RANBP2: variants seen among roughly 807,000 people sequenced by gnomAD.
The protein encoded by RANBP2 is E3 SUMO-protein ligase RanBP2.
Under a neutral mutation model 303.6 loss-of-function variants are expected in RANBP2, and 57 were observed. That is an observed-to-expected ratio of 0.19 (90% CI 0.15 to 0.23). The LOEUF is 0.23. Ranked by LOEUF, RANBP2 falls within the 10% of genes least tolerant of loss-of-function variation. The pLI is 1.00. For missense variants in RANBP2, 3,138 were observed against 3,780.8 expected (o/e 0.83, Z 4.46); for synonymous variants, 1,167 against 1,301.5 (o/e 0.90, Z 2.23).
At chr2:109,719,996 C>G in the RANBP2 span, among the ~76,000 whole-genome samples, 1 of 152,146 alleles carries the variant, frequency 6.6e-6, no homozygotes, top group African/African-American at 2.4e-5. Context: ...TGCTGTTCTA[C>G]CGAGGACTCG....
At chr2:109,270,021 T>C in the RANBP2 span, among the ~76,000 whole-genome samples, 1 of 152,202 alleles carries the variant, frequency 6.6e-6, no homozygotes, top group Non-Finnish European at 1.5e-5. Flanking sequence ...ACTTAATAGA[T>C]TGCGATTGAA....
chr2:109,081,461 G>A, the RANBP2 span, among the ~76,000 whole-genome samples: 83 of 152,236 alleles, frequency 5.5e-4, no homozygotes, highest in African/African-American at 1.9e-3. Flanking sequence ...ATGGGGCTCC[G>A]CGTCTGTGGC....
At chr2:109,267,907 C>T in the RANBP2 span, among the ~76,000 whole-genome samples, 13 of 152,190 alleles carry the variant, frequency 8.5e-5, no homozygotes, top group African/African-American at 2.9e-4. Flanking sequence ...TGCAGCACAG[C>T]CACACTCCTG....
the RANBP2 span, among the ~76,000 whole-genome samples, chr2:108,877,780 G>A: frequency 6.6e-6 from 1 of 152,188 alleles, no homozygotes; most frequent in African/African-American, 2.4e-5. Flanking sequence ...GATTGAAAGG[G>A]CTCATCATGT....
the RANBP2 span, among the ~76,000 whole-genome samples, chr2:108,833,512 T>C: frequency 6.6e-6 from 1 of 152,214 alleles, no homozygotes; most frequent in African/African-American, 2.4e-5. Context: ...GCCAGATGAA[T>C]TTAGTGAAGT....
the RANBP2 span, among the ~76,000 whole-genome samples, chr2:109,448,431 A>T: frequency 6.6e-6 from 1 of 152,144 alleles, no homozygotes; most frequent in African/African-American, 2.4e-5. Context: ...GGAAAACTTC[A>T]TCTGTATTTA....
the RANBP2 span, among the ~76,000 whole-genome samples, chr2:109,193,453 G>A: frequency 6.6e-6 from 1 of 152,332 alleles, no homozygotes; most frequent in Middle Eastern, 3.4e-3. Context: ...CCAGCTCTGG[G>A]CAACTCTGTG....
chr2:109,042,828 C>A, the RANBP2 span, among the ~76,000 whole-genome samples: 1 of 152,058 alleles, frequency 6.6e-6, no homozygotes, highest in African/African-American at 2.4e-5. Context: ...ATGAAACTAT[C>A]CAATGGTCTT....
At chr2:108,959,023 C>T in the RANBP2 span, among the ~76,000 whole-genome samples, 2 of 152,200 alleles carry the variant, frequency 1.3e-5, no homozygotes, top group South Asian at 2.1e-4. Flanking sequence ...CCATGAAGAA[C>T]GGGACACTGT....
chr2:109,527,926 C>G, the RANBP2 span, among the ~76,000 whole-genome samples: 1 of 152,098 alleles, frequency 6.6e-6, no homozygotes, highest in African/African-American at 2.4e-5. Context: ...GCAGGAGAAG[C>G]CAGGCAAGGG....
At chr2:109,282,968 T>G in the RANBP2 span, among the ~76,000 whole-genome samples, 2 of 152,108 alleles carry the variant, frequency 1.3e-5, no homozygotes, top group Non-Finnish European at 2.9e-5. Context: ...TTACTCTCCC[T>G]GGGTCCTACT....
At chr2:108,950,989 A>G in the RANBP2 span, among the ~76,000 whole-genome samples, 53,242 of 152,162 alleles carry the variant, frequency 0.35, 15,195 homozygotes, top group East Asian at 0.95. Context: ...TTTGTCTGCC[A>G]TCCATTGTCC....
At chr2:109,155,362 G>A in the RANBP2 span, among the ~76,000 whole-genome samples, 21,415 of 152,096 alleles carry the variant, frequency 0.14, 1,634 homozygotes, top group Middle Eastern at 0.21. Flanking sequence ...ATGCAGTGGT[G>A]GGATCTTGGC....
the RANBP2 span, among the ~76,000 whole-genome samples, chr2:109,102,483 A>T: frequency 1.4e-3 from 217 of 152,306 alleles, no homozygotes; most frequent in African/African-American, 5.1e-3. Flanking sequence ...GCATCGCAGA[A>T]TGTGTCTTAA....
At chr2:108,923,495 G>A in the RANBP2 span, 2 of 1,571,286 alleles carry the variant, frequency 1.3e-6, no homozygotes, top group Non-Finnish European at 1.8e-6. Flanking sequence ...AGGTGAGCTG[G>A]ACAGCACACA....
At chr2:108,907,907 C>T in the RANBP2 span, 1 of 1,613,680 alleles carries the variant, frequency 6.2e-7, no homozygotes, top group South Asian at 1.1e-5. Context: ...GCCAGGTGAA[C>T]CAGCGACAGC....
chr2:109,008,679 G>A, the RANBP2 span, among the ~76,000 whole-genome samples: 1 of 151,434 alleles, frequency 6.6e-6, no homozygotes, highest in African/African-American at 2.4e-5. Flanking sequence ...GAGATGGGCG[G>A]ATCACGAGGT....
the RANBP2 span, chr2:109,501,639 C>A: frequency 1.3e-6 from 1 of 776,114 alleles, no homozygotes; most frequent in East Asian, 2.4e-5. Context: ...CCGCACAGGC[C>A]TCTTCCCGGG....
At chr2:108,897,778 T>G in the RANBP2 span, among the ~76,000 whole-genome samples, 2 of 152,212 alleles carry the variant, frequency 1.3e-5, no homozygotes, top group South Asian at 2.1e-4. Flanking sequence ...AACTTGATAT[T>G]GCTGTTTCTG....
Sources: gnomAD v4.1 joint callset for allele counts (sites outside exome capture counted in the v4.1 genomes callset) on GRCh38, gnomAD v4.1.1 for gene constraint, MANE v1.5 for transcripts, NCBI Gene and HGNC (gene_info 2026-07-23, HGNC 2026-07-21) for gene names.